UBE2F: variants seen among roughly 807,000 people sequenced by gnomAD.
The protein encoded by UBE2F is ubiquitin conjugating enzyme E2 F (putative), also known as NEDD8-conjugating enzyme UBE2F.
UBE2F carries 5 observed loss-of-function variants against 29.6 expected under a neutral mutation model. That is an observed-to-expected ratio of 0.17 (90% CI 0.09 to 0.36). UBE2F has a LOEUF of 0.36. UBE2F is among the 10% of genes least tolerant of loss of function. The probability of loss-of-function intolerance (pLI) is 1.00; values close to 1 mark genes in which losing one functional copy is unlikely to be tolerated. For synonymous variants in UBE2F, 66 were observed against 81.8 expected, an observed-to-expected ratio of 0.81 and a Z score of 1.04; for missense variants, 141 against 228.5, an observed-to-expected ratio of 0.62 and a Z score of 2.47.
At chr2:237,999,088 AT>A (rs1042402210) in intron 4 of UBE2F, among the ~76,000 whole-genome samples, 10 of 150,198 alleles carry the variant, frequency 6.7e-5, no homozygotes, top group South Asian at 2.1e-4. Flanking sequence ...TTATTTATTT[AT>A]TTTTTTTTTT....
At chr2:238,038,045 A>G (rs2064756241) in intron 9 of UBE2F, among the ~76,000 whole-genome samples, 1 of 152,204 alleles carries the variant, frequency 6.6e-6, no homozygotes, top group African/African-American at 2.4e-5. Flanking sequence ...AGTCCTCGCT[A>G]CAGTCTTGAG....
chr2:237,989,527 A>G (rs1446409411), intron 3 of UBE2F, among the ~76,000 whole-genome samples: 1 of 151,734 alleles, frequency 6.6e-6, no homozygotes, highest in Non-Finnish European at 1.5e-5. Flanking sequence ...TAATTTTTGT[A>G]TTTTTAGCAG....
Position 237,973,230 on chromosome 2 carries a change from T to C in UBE2F, c.118+5T>C, listed in dbSNP as rs761597090. ...GAGACAAATTGCTTGTTAAAGGTAA[T>C]GATCATTCGTGTGAACTGTTTTTAT... On this transcript the variant is annotated splice_donor_5th_base_variant and intron_variant, in intron 2 of 9. Coordinates refer to ENST00000272930, the MANE Select transcript of UBE2F (RefSeq NM_080678.3). The C allele has an allele frequency of 6.8e-6, 11 of 1,612,640 alleles. No homozygotes were observed. Among genetic ancestry groups the C allele is most frequent in the Admixed American group, 1.7e-5 (1 of 60,006 alleles).
intron 2 of UBE2F, among the ~76,000 whole-genome samples, chr2:237,983,816 C>G (rs976553361): frequency 6.6e-6 from 1 of 152,198 alleles, no homozygotes; most frequent in Non-Finnish European, 1.5e-5. Context: ...TGTGCTCTTT[C>G]ACTGAATCAC....
intron 5 of UBE2F, among the ~76,000 whole-genome samples, chr2:238,024,376 C>T (rs898298264): frequency 3.3e-5 from 5 of 152,116 alleles, no homozygotes; most frequent in East Asian, 3.9e-4. Context: ...GGCAGGGACT[C>T]GCTCTGTCAC....
chr2:237,995,491 G>C (rs546763764), intron 4 of UBE2F, among the ~76,000 whole-genome samples: 1 of 152,284 alleles, frequency 6.6e-6, no homozygotes, highest in East Asian at 1.9e-4. Context: ...GTGGCAACCG[G>C]TCGATGCTGT....
chr2:237,980,923 C>T (rs915095044), intron 2 of UBE2F, among the ~76,000 whole-genome samples: 16 of 152,154 alleles, frequency 1.1e-4, no homozygotes, highest in African/African-American at 2.7e-4. Context: ...GTGTGGGGGC[C>T]TCTGTGGTGA....
intron 9 of UBE2F, 42 bp from the exon 10 acceptor site, chr2:238,041,243 ACTC>A (rs773200138): frequency 1.8e-5 from 29 of 1,589,696 alleles, no homozygotes; most frequent in Admixed American, 1.7e-4. Context: ...TCACTCACTC[ACTC>A]CTCCTGTTCT....
chr2:238,011,368 C>G (rs1285283145), intron 4 of UBE2F, among the ~76,000 whole-genome samples: 2 of 152,200 alleles, frequency 1.3e-5, no homozygotes, highest in African/African-American at 4.8e-5. Flanking sequence ...CCTCCTCCTT[C>G]AATTCATCAT....
chr2:237,987,125 A>T (rs1420967990), intron 2 of UBE2F, among the ~76,000 whole-genome samples: 1 of 152,184 alleles, frequency 6.6e-6, no homozygotes, highest in Non-Finnish European at 1.5e-5. Flanking sequence ...ATTTGAACAG[A>T]GTATATATTT....
At chr2:238,023,892 C>G (rs2064351986) in intron 5 of UBE2F, among the ~76,000 whole-genome samples, 1 of 152,098 alleles carries the variant, frequency 6.6e-6, no homozygotes, top group African/African-American at 2.4e-5. Context: ...AGATCCTCTT[C>G]CTGGGCTTCA....
chr2:237,969,511 T>C (rs1366008021), intron 1 of UBE2F, among the ~76,000 whole-genome samples: 2 of 152,166 alleles, frequency 1.3e-5, no homozygotes, highest in Non-Finnish European at 2.9e-5. Context: ...TTTGCTTCAT[T>C]TGCATTCCCA....
intron 2 of UBE2F, among the ~76,000 whole-genome samples, chr2:237,977,373 C>T (rs986331861): frequency 2.0e-5 from 3 of 152,226 alleles, no homozygotes; most frequent in Admixed American, 1.3e-4. Flanking sequence ...CCTCCCCTCT[C>T]GTGGCCTTTC....
In UBE2F at chr2:238,033,910, A is replaced by G. The variant is rs566149780; in HGVS notation, c.444+1656A>G. Among the ~76,000 whole-genome samples the G allele has an allele frequency of 4.2e-4, 64 of 152,242 alleles. 1 individual carries two copies. The highest frequency in any genetic ancestry group is 2.1e-3 in the South Asian group (10 of 4,826). On this transcript the variant is annotated intron_variant, in intron 8 of 9. Transcript: ENST00000272930. The stretch of plus-strand genomic sequence containing the variant: ...TGTCTGGCAGTTGTGCTGCATTGTA[A>G]TATTGAGCCTTGGCATCTCCAGATT...
intron 1 of UBE2F, among the ~76,000 whole-genome samples, chr2:237,971,552 G>T (rs972866421): frequency 6.6e-6 from 1 of 152,114 alleles, no homozygotes; most frequent in Non-Finnish European, 1.5e-5. Context: ...TCGGTCTCCT[G>T]GCCTCATAAT....
intron 8 of UBE2F, among the ~76,000 whole-genome samples, chr2:238,033,574 TCTTA>T (rs2064635928): frequency 6.6e-6 from 1 of 152,196 alleles, no homozygotes; most frequent in Non-Finnish European, 1.5e-5. Flanking sequence ...GCGGGTCTGC[TCTTA>T]CTTGTCCTGT....
At chr2:237,990,418 T>A (rs1429982531) in intron 3 of UBE2F, 4 of 450,202 alleles carry the variant, frequency 8.9e-6, no homozygotes, top group South Asian at 1.6e-5. Context: ...TTTTTTTTTT[T>A]AATAGACAGG....
intron 7 of UBE2F, among the ~76,000 whole-genome samples, chr2:238,031,187 A>G (rs1457114085): frequency 6.6e-6 from 1 of 152,170 alleles, no homozygotes; most frequent in East Asian, 1.9e-4. Context: ...GCCTTTTCTT[A>G]GCCTCTCCCC....
At chr2:238,021,541 G>T (rs556991767) in intron 5 of UBE2F, among the ~76,000 whole-genome samples, 6 of 152,292 alleles carry the variant, frequency 3.9e-5, no homozygotes, top group Non-Finnish European at 7.4e-5. Flanking sequence ...GTCATAATAT[G>T]ATGGACGTAC....
Sources: gnomAD v4.1 joint callset for allele counts (sites outside exome capture counted in the v4.1 genomes callset) on GRCh38, gnomAD v4.1.1 for gene constraint, MANE v1.5 for transcripts, NCBI Gene and HGNC (gene_info 2026-07-23, HGNC 2026-07-21) for gene names.